The following NAALADL2 variants were observed in gnomAD, a reference collection of about 807,000 sequenced individuals.
NAALADL2 encodes N-acetylated alpha-linked acidic dipeptidase like 2.
In NAALADL2, 76 loss-of-function variants were observed where a neutral mutation model predicts 87.2. That is an observed-to-expected ratio of 0.87 (90% CI 0.72 to 1.05). The LOEUF is 1.05. Ranked by LOEUF, NAALADL2 falls within the 50% of genes least tolerant of loss-of-function variation. The pLI is 0.00. For synonymous variants in NAALADL2, 354 were observed against 331.0 expected (o/e 1.07, Z -0.75); for missense variants, 1,089 against 945.8 (o/e 1.15, Z -1.99).
chr3:175,352,810 G>T (rs1366104208), intron 5 of NAALADL2, among the ~76,000 whole-genome samples: 1 of 152,110 alleles, frequency 6.6e-6, no homozygotes, highest in Non-Finnish European at 1.5e-5. Flanking sequence ...ACATTTATGG[G>T]TATGGGTATG....
intron 2 of NAALADL2, among the ~76,000 whole-genome samples, chr3:175,221,666 A>C (rs1028865123): frequency 6.6e-6 from 1 of 152,268 alleles, no homozygotes; most frequent in African/African-American, 2.4e-5. Flanking sequence ...TTTATTTAAT[A>C]ACTCAACCAC....
chr3:174,916,031 A>C (rs895837539), intron 1 of NAALADL2, among the ~76,000 whole-genome samples: 3 of 152,256 alleles, frequency 2.0e-5, no homozygotes, highest in South Asian at 2.1e-4. Flanking sequence ...ATCAGCAAGA[A>C]AGTAATCCCA....
At chr3:174,446,245 T>G (rs1036553388) in intron 1 of NAALADL2, among the ~76,000 whole-genome samples, 1 of 152,170 alleles carries the variant, frequency 6.6e-6, no homozygotes, top group Non-Finnish European at 1.5e-5. Context: ...TATTTTAATT[T>G]TTAGATGGTC....
intron 13 of NAALADL2, among the ~76,000 whole-genome samples, chr3:175,759,328 T>G (rs113204920): frequency 6.6e-6 from 1 of 152,216 alleles, no homozygotes; most frequent in East Asian, 1.9e-4. Context: ...AGAGAAAGTA[T>G]TGTCTTGTGG....
chr3:175,743,303 G>C (rs1453393631), intron 12 of NAALADL2, among the ~76,000 whole-genome samples: 1 of 152,116 alleles, frequency 6.6e-6, no homozygotes, highest in Non-Finnish European at 1.5e-5. Flanking sequence ...GCCCGGCCCA[G>C]AGAATTCTTT....
intron 1 of NAALADL2, among the ~76,000 whole-genome samples, chr3:174,493,396 AT>A (rs1389416018): frequency 6.6e-6 from 1 of 152,234 alleles, no homozygotes; most frequent in African/African-American, 2.4e-5. Flanking sequence ...AGAAACCTGA[AT>A]TTATATTAAT....
chr3:175,225,332 T>C (rs149685201), intron 2 of NAALADL2, among the ~76,000 whole-genome samples: 34 of 152,248 alleles, frequency 2.2e-4, no homozygotes, highest in Non-Finnish European at 4.6e-4. Flanking sequence ...GTTTTCAATA[T>C]AGTCTTAAAG....
At position 174,987,141 on chromosome 3, in the gene NAALADL2, G is replaced by A. The variant is rs1484592285; in HGVS notation, c.44-109649G>A. Among the ~76,000 whole-genome samples, 7 of 152,220 alleles carry A rather than the reference G, an allele frequency of 4.6e-5. No homozygotes were observed. The East Asian group carries it at 1.4e-3, about 29-fold the overall frequency. On this transcript the variant is annotated intron_variant, in intron 1 of 13. Transcript: ENST00000454872. ...GGTCTTTCATTTCAGCAATGTAAGT[G>A]CTGAAATTTAGGGTTTAAAGGATAT...
At chr3:175,396,980 T>C (rs1346489081) in intron 5 of NAALADL2, among the ~76,000 whole-genome samples, 1 of 152,122 alleles carries the variant, frequency 6.6e-6, no homozygotes, top group Non-Finnish European at 1.5e-5. Context: ...TTTAGCAGTG[T>C]GAGGACAGAC....
rs547315048 is a variant in NAALADL2, at chr3:175,438,888, G to A, written c.1091-8341G>A. The stretch of plus-strand genomic sequence containing the variant: ...ATTTTGATAGGTTTTGGGGGAACGG[G>A]TGGTGTTTGGTTATATGAATAAGTC... On this transcript the variant is annotated intron_variant, in intron 5 of 13. Transcript: ENST00000454872. 1.7e-4 allele frequency among the ~76,000 whole-genome samples: 26 copies of A among 152,076 alleles called. No individual in the cohort carries two copies. In the South Asian group the frequency reaches 5.2e-3, roughly 30 times the overall value.
chr3:175,572,057 G>C (rs1229209035), intron 9 of NAALADL2, among the ~76,000 whole-genome samples: 1 of 152,072 alleles, frequency 6.6e-6, no homozygotes, highest in Non-Finnish European at 1.5e-5. Context: ...GTGGGGGAAT[G>C]GTGAGTTAAG....
intron 2 of NAALADL2, among the ~76,000 whole-genome samples, chr3:174,583,480 G>T (rs1351691410): frequency 6.6e-6 from 1 of 152,146 alleles, no homozygotes; most frequent in African/African-American, 2.4e-5. Context: ...TGTCAAATTT[G>T]CTATTGTGGA....
chr3:174,814,257 T>C (rs995371193), intron 3 of NAALADL2, among the ~76,000 whole-genome samples: 1 of 151,942 alleles, frequency 6.6e-6, no homozygotes, highest in Non-Finnish European at 1.5e-5. Context: ...TACAGGTGCC[T>C]ACCGCCACGC....
chr3:174,801,749 T>C (rs1718858932), intron 3 of NAALADL2, among the ~76,000 whole-genome samples: 1 of 150,938 alleles, frequency 6.6e-6, no homozygotes, highest in Non-Finnish European at 1.5e-5. Flanking sequence ...ATTAATATGA[T>C]TATATAATTT....
intron 9 of NAALADL2, among the ~76,000 whole-genome samples, chr3:175,564,830 A>T (rs1025436316): frequency 8.5e-5 from 13 of 152,182 alleles, no homozygotes; most frequent in African/African-American, 3.1e-4. Context: ...TCAAAGTTTC[A>T]TTTAGATATG....
intron 2 of NAALADL2, among the ~76,000 whole-genome samples, chr3:175,146,824 T>G (rs1730815676): frequency 6.6e-6 from 1 of 151,878 alleles, no homozygotes; most frequent in African/African-American, 2.4e-5. Context: ...GAAGGTAGCT[T>G]TTTTTTTAAC....
chr3:174,639,586 C>A (rs143254181), intron 2 of NAALADL2, among the ~76,000 whole-genome samples: 1 of 152,324 alleles, frequency 6.6e-6, no homozygotes, highest in African/African-American at 2.4e-5. Context: ...TCAGCACACA[C>A]CACTGGACTT....
intron 3 of NAALADL2, among the ~76,000 whole-genome samples, chr3:174,797,380 C>A (rs1029765530): frequency 1.5e-5 from 2 of 129,470 alleles, no homozygotes; most frequent in African/African-American, 5.9e-5. Flanking sequence ...GGCGTGATCT[C>A]AGCTTACTGC....
At chr3:174,441,358 G>A (rs1427583547) in intron 1 of NAALADL2, among the ~76,000 whole-genome samples, 2 of 152,116 alleles carry the variant, frequency 1.3e-5, no homozygotes, top group East Asian at 1.9e-4. Context: ...TCCCGAAGCC[G>A]CTTGTCTTAG....
Sources: gnomAD v4.1 joint callset for allele counts (sites outside exome capture counted in the v4.1 genomes callset) on GRCh38, gnomAD v4.1.1 for gene constraint, MANE v1.5 for transcripts, NCBI Gene and HGNC (gene_info 2026-07-23, HGNC 2026-07-21) for gene names.